The following NOL4L variants were observed in gnomAD, a reference collection of about 807,000 sequenced individuals.
NOL4L encodes nucleolar protein 4 like, also known as nucleolar protein 4-like.
Under a neutral mutation model 64.5 loss-of-function variants are expected in NOL4L, and 7 were observed. The ratio of observed to expected loss-of-function variants is 0.11; its 90% CI spans 0.06 to 0.20. The LOEUF is 0.20. Among genes scored for constraint, NOL4L ranks in the 10% least tolerant of loss-of-function variants. NOL4L has a pLI of 1.00. For missense variants in NOL4L, 680 were observed against 967.1 expected (o/e 0.70, Z 3.94); for synonymous variants, 413 against 401.0 (o/e 1.03, Z -0.36).
chr20:32,578,908 G>A (rs1310498578), intron 1 of NOL4L, among the ~76,000 whole-genome samples: 5 of 152,218 alleles, frequency 3.3e-5, no homozygotes, highest in African/African-American at 4.8e-5. Flanking sequence ...AGCAAGAGGC[G>A]GGTAGGGGGT....
intron 4 of NOL4L, chr20:32,485,876 G>A (rs1362416869): frequency 7.2e-6 from 3 of 414,456 alleles, no homozygotes; most frequent in African/African-American, 6.3e-5. Flanking sequence ...GGACATCTGA[G>A]CTTGAAATAT....
chr20:32,497,615 G>A (rs547051266), intron 4 of NOL4L, among the ~76,000 whole-genome samples: 18 of 152,290 alleles, frequency 1.2e-4, no homozygotes, highest in African/African-American at 3.9e-4. Flanking sequence ...ACAAGATCAC[G>A]AATCCCTTCT....
intron 2 of NOL4L, among the ~76,000 whole-genome samples, chr20:32,525,673 C>T (rs1257712408): frequency 6.6e-6 from 1 of 152,172 alleles, no homozygotes; most frequent in African/African-American, 2.4e-5. Context: ...TAGCTCACTG[C>T]AGCCTCAAGC....
intron 3 of NOL4L, 46 bp downstream of exon 3, chr20:32,520,765 C>G: frequency 1.6e-6 from 2 of 1,264,882 alleles, no homozygotes; most frequent in Non-Finnish European, 2.2e-6. Flanking sequence ...ACAGTCCACT[C>G]TTAGATGGCC....
rs1282580922 is a variant in NOL4L, at chr20:32,475,156, C to T, written c.700-414G>A. 1.2e-5 allele frequency: 12 copies of T among 985,476 alleles called. No homozygotes were observed. The African/African-American group carries it at 1.9e-4, about 16-fold the overall frequency. The allele number at this position is 985,476 out of a possible 1,614,324, so 61.0% of individuals were successfully genotyped here. ...CAAGAAGCGGGCAGCAGCACATGCC[C>T]GCCACCAGGCACTGAGGCTGAGCTG... is the stretch of plus-strand genomic sequence containing the variant. On this transcript the variant is annotated intron_variant, in intron 4 of 10. Coordinates refer to ENST00000621426, the MANE Select transcript of NOL4L (RefSeq NM_001256798.2).
chr20:32,470,060 C>G (rs1447415966), intron 5 of NOL4L, among the ~76,000 whole-genome samples: 1 of 152,266 alleles, frequency 6.6e-6, no homozygotes, highest in African/African-American at 2.4e-5. Context: ...CTCCACACGA[C>G]TCTTGCTCAG....
Position 32,508,347 on chromosome 20 carries a change from G to GCTGGGTC in NOL4L, c.699+2993_699+2999dup, listed in dbSNP as rs199962720. Among the ~76,000 whole-genome samples the GCTGGGTC allele has an allele frequency of 2.2e-3, 337 of 152,322 alleles. 3 individuals carry two copies. Among genetic ancestry groups the GCTGGGTC allele is most frequent in the African/African-American group, 7.6e-3 (315 of 41,570 alleles). On this transcript the variant is annotated intron_variant, in intron 4 of 10. Transcript: ENST00000621426. ...AACTCAAGCTGAAGAATCAAAGACT[G>GCTGGGTC]CTGGGTCCTTGGCCCTTCCTTGATG...
At position 32,464,074 on chromosome 20, in the gene NOL4L, G is replaced by T. The variant is rs2014331363; in HGVS notation, c.842-7679C>A. ...ACACAACAGGGCGACGGGGGAGGAGGGGGTGGGAGACTGCTGGAGCCACGG... is the reference window on the plus strand; with the variant it reads ...ACACAACAGGGCGACGGGGGAGGAGTGGGTGGGAGACTGCTGGAGCCACGG... On this transcript the variant is annotated intron_variant, in intron 5 of 10. Transcript: ENST00000621426. The surrounding 1 kb of genome is among the most constrained non-coding windows in gnomAD (Gnocchi z 5.6). 6.6e-6 allele frequency among the ~76,000 whole-genome samples: 1 copy of T among 152,152 alleles called. No individual in the cohort carries two copies. The highest frequency in any genetic ancestry group is 1.5e-5 in the Non-Finnish European group (1 of 68,010).
intron 1 of NOL4L, among the ~76,000 whole-genome samples, chr20:32,545,260 A>G (rs6119888): frequency 0.051 from 7,749 of 152,232 alleles, 627 homozygotes; most frequent in African/African-American, 0.17. Flanking sequence ...GTGACAGAGC[A>G]TGACCCTGTC....
At chr20:32,485,802 C>T (rs1202328551) in intron 4 of NOL4L, 5 of 469,730 alleles carry the variant, frequency 1.1e-5, no homozygotes, top group Non-Finnish European at 2.2e-5. Context: ...ATTTCCCTTT[C>T]CCCACCACAT....
chr20:32,520,143 AGGCGTGGCGGTGG>A (rs1479554285), intron 3 of NOL4L: 1 of 152,130 alleles, frequency 6.6e-6, no homozygotes, highest in East Asian at 1.9e-4. Flanking sequence ...AAAATTAGCC[AGGCGTGGCGGTGG>A]GCACCTGAAG....
In NOL4L at chr20:32,445,985, A is replaced by G. The variant is rs1211733734; in HGVS notation, c.*1611T>C. 6.6e-6 allele frequency: 1 copy of G among 152,160 alleles called. No individual in the cohort carries two copies. The allele number at this position is 152,160 out of a possible 1,614,324, so 9.4% of individuals were successfully genotyped here. ...TTTGGGAAGGGGTGCCTGTTCTGGGAGCGAGTGGCTCTCCGTGGCCATCCT... is the reference window on the plus strand; with the variant it reads ...TTTGGGAAGGGGTGCCTGTTCTGGGGGCGAGTGGCTCTCCGTGGCCATCCT... On this transcript the variant is annotated 3_prime_UTR_variant, in exon 11 of 11. Transcript: ENST00000621426.
At chr20:32,466,304 C>A (rs1429904326) in intron 5 of NOL4L, among the ~76,000 whole-genome samples, 1 of 152,122 alleles carries the variant, frequency 6.6e-6, no homozygotes, top group African/African-American at 2.4e-5. Flanking sequence ...CTCGGCTCCT[C>A]AGGCCCCAGA....
At position 32,568,906 on chromosome 20, in the gene NOL4L, G is replaced by T. The variant is rs532864106; in HGVS notation, c.321+15664C>A. Among the ~76,000 whole-genome samples, 7 of 152,302 alleles carry T rather than the reference G, an allele frequency of 4.6e-5. No homozygotes were observed. In the South Asian group the frequency reaches 8.3e-4, roughly 18 times the overall value. The stretch of plus-strand genomic sequence containing the variant: ...CCCTGGCCATCTCACCAGCCCTCAT[G>T]TTGGCCCCACAACAGCTCTGCTTCT... On this transcript the variant is annotated intron_variant, in intron 1 of 10. Transcript: ENST00000621426.
At chr20:32,448,622 C>G (rs2012557682) in intron 10 of NOL4L, among the ~76,000 whole-genome samples, 1 of 152,186 alleles carries the variant, frequency 6.6e-6, no homozygotes, top group Admixed American at 6.5e-5. Flanking sequence ...GTTCATGCTG[C>G]TAGGATACGA....
At chr20:32,537,649 A>G (rs1302367093) in intron 1 of NOL4L, among the ~76,000 whole-genome samples, 1 of 151,754 alleles carries the variant, frequency 6.6e-6, no homozygotes, top group Non-Finnish European at 1.5e-5. Context: ...TCCAGCACAC[A>G]CCTCTTCTTC....
chr20:32,494,253 G>GGAAAA (rs2016583470), intron 4 of NOL4L, among the ~76,000 whole-genome samples: 6 of 22,028 alleles, frequency 2.7e-4, no homozygotes, highest in Admixed American at 7.9e-4. Flanking sequence ...ATAATCTCGG[G>GGAAAA]AAAAAAAAAA....
At position 32,447,610 on chromosome 20, in the gene NOL4L, G is replaced by C; in HGVS notation, c.2029C>G (p.Leu677Val). 2 of 1,602,124 alleles carry C rather than the reference G, an allele frequency of 1.2e-6. No individual in the cohort carries two copies. The highest frequency in any genetic ancestry group is 2.2e-5 in the East Asian group (1 of 44,824). The change falls in exon 11 of 11, where the codon CTA becomes GTA. Residue 677 changes from leucine to valine, a missense_variant. Leu to Val is a conservative substitution (Grantham distance 32, BLOSUM62 1). Coordinates refer to ENST00000621426, the MANE Select transcript of NOL4L (RefSeq NM_001256798.2). ...TGCCGGTGGGGTCAGTTCTGCTGTA[G>C]GATGAGGTTTTCCAGTTCATCTGCA... ...RSADELENLI[L>V]QQN is the part of the protein sequence containing the mutation.
chr20:32,459,210 G>A (rs1168885412), intron 5 of NOL4L, among the ~76,000 whole-genome samples: 1 of 151,580 alleles, frequency 6.6e-6, no homozygotes, highest in Non-Finnish European at 1.5e-5. Flanking sequence ...TATGTAAACA[G>A]ATTTTAAAAT....
Sources: gnomAD v4.1 joint callset for allele counts (sites outside exome capture counted in the v4.1 genomes callset) on GRCh38, gnomAD v4.1.1 for gene constraint, Gnocchi (gnomAD v3.1) non-coding constraint, MANE v1.5 for transcripts, NCBI Gene and HGNC (gene_info 2026-07-23, HGNC 2026-07-21) for gene names.